The following ANXA9 variants were observed in gnomAD, a reference collection of about 807,000 sequenced individuals.
ANXA9 encodes annexin 31.
In ANXA9, 47 loss-of-function variants were observed where a neutral mutation model predicts 51.8. That is an observed-to-expected ratio of 0.91 (90% confidence interval 0.72 to 1.16). The LOEUF (loss-of-function observed/expected upper bound fraction) is 1.16. Ranked by LOEUF, ANXA9 falls within the 50% of genes most tolerant of loss-of-function variation. The pLI is 0.00. For missense variants in ANXA9, 361 were observed against 424.7 expected, an observed-to-expected ratio of 0.85 and a Z score of 1.32; for synonymous variants, 154 against 168.7, an observed-to-expected ratio of 0.91 and a Z score of 0.68.
intron 5 of ANXA9, 85 bp from the exon 6 acceptor site, chr1:150,984,196 C>A: frequency 1.9e-6 from 3 of 1,539,378 alleles, no homozygotes; most frequent in Non-Finnish European, 2.7e-6. Flanking sequence ...AGATGAAAAC[C>A]AGCCAAATCT....
intron 9 of ANXA9, 102 bp from the exon 10 acceptor site, chr1:150,987,770 C>A: frequency 1.1e-6 from 1 of 931,316 alleles, no homozygotes; most frequent in South Asian, 1.6e-5. Context: ...AATCCCATTT[C>A]CATCATGATG....
chr1:150,983,062 C>A, intron 2 of ANXA9, 28 bp from the exon 3 acceptor site: 2 of 1,586,084 alleles, frequency 1.3e-6, no homozygotes, highest in Non-Finnish European at 8.6e-7. Flanking sequence ...GGAAATTCAG[C>A]TCTGTGGGCT....
intron 12 of ANXA9, among the ~76,000 whole-genome samples, chr1:150,990,964 A>G (rs1243425247): frequency 8.6e-5 from 13 of 151,956 alleles, no homozygotes; most frequent in East Asian, 1.9e-4. Flanking sequence ...CTAACAAGGT[A>G]AAACCCTGTC....
At position 150,990,364 on chromosome 1, in the gene ANXA9, GA is replaced by G. The variant is rs61093975; in HGVS notation, c.852+2033del. Among the ~76,000 whole-genome samples, 138 of 149,268 alleles carry G rather than the reference GA, an allele frequency of 9.2e-4. 1 individual carries two copies. Among genetic ancestry groups the G allele is most frequent in the African/African-American group, 3.3e-3 (134 of 40,188 alleles). On this transcript the variant is annotated intron_variant, in intron 12 of 13. Transcript: ENST00000368947. ...GAAAATAACATAGGCCCATTTTTCT[GA>G]AAAAAAAAATTTTTTTTTTGAGATA...
At chr1:150,980,441 T>C (rs12067685), upstream of ANXA9, among the ~76,000 whole-genome samples, 46,707 of 151,870 alleles carry the variant, frequency 0.31, 8,431 homozygotes, top group South Asian at 0.5. Context: ...TGGGTCATAC[T>C]TGTACCAACA....
At chr1:150,993,567 C>CTT (rs1671756875) in intron 12 of ANXA9, among the ~76,000 whole-genome samples, 1 of 151,738 alleles carries the variant, frequency 6.6e-6, no homozygotes, top group Non-Finnish European at 1.5e-5. Context: ...GCCTTGGCCT[C>CTT]CCAAAATTCT....
At chr1:150,990,432 T>C (rs1346242047) in intron 12 of ANXA9, among the ~76,000 whole-genome samples, 1 of 152,046 alleles carries the variant, frequency 6.6e-6, no homozygotes, top group African/African-American at 2.4e-5. Context: ...AGTGGCGTGA[T>C]CTCAGCTCAC....
rs1671618374 is a variant in ANXA9, at chr1:150,988,324, C to T, written c.835C>T (p.Leu279Phe). The change falls in exon 12 of 14, where the codon CTT becomes TTT. Residue 279 changes from leucine (L) to phenylalanine (F), a missense_variant. Physicochemically the swap from Leu to Phe is conservative, Grantham distance 22. Transcript: ENST00000368947. ...CACACCGCTGTACTTTGCTGACAAA[C>T]TTCATCAAGCCCTCCAGGTGAGAGG... The part of the protein sequence containing the change: ...KNTPLYFADK[L>F]HQALQETEPN... 3.1e-6 allele frequency: 5 copies of T among 1,614,016 alleles called. No homozygotes were observed. The South Asian group carries it at 3.3e-5, about 11-fold the overall frequency.
chr1:150,990,787 G>A (rs1571694426), intron 12 of ANXA9, among the ~76,000 whole-genome samples: 1 of 152,208 alleles, frequency 6.6e-6, no homozygotes, highest in Non-Finnish European at 1.5e-5. Context: ...CAGAGGTTGC[G>A]GTCAGCCGAG....
chr1:150,979,102 C>G (rs148324611), upstream of ANXA9, among the ~76,000 whole-genome samples: 211 of 151,538 alleles, frequency 1.4e-3, 1 homozygote, highest in African/African-American at 4.5e-3. Flanking sequence ...TGAAGTTGAA[C>G]AAAACAAAAC....
chr1:150,995,064 C>G (rs1671812578), intron 13 of ANXA9, among the ~76,000 whole-genome samples, 196 bp from the exon 14 acceptor site: 1 of 152,248 alleles, frequency 6.6e-6, no homozygotes, highest in Non-Finnish European at 1.5e-5. Context: ...TGCACTCCCA[C>G]CTGGGTGACA....
At chr1:150,987,376 TCTCTCACA>T (rs778181989) in intron 9 of ANXA9, among the ~76,000 whole-genome samples, 733 of 61,500 alleles carry the variant, frequency 0.012, 11 homozygotes, top group African/African-American at 0.03. Flanking sequence ...TCTCTCTCTC[TCTCTCACA>T]CACACACACA....
In ANXA9 at chr1:150,983,186, G is replaced by A; in HGVS notation, c.75+6G>A. On this transcript the variant is annotated splice_donor_region_variant and intron_variant, in intron 3 of 13. Coordinates refer to ENST00000368947, the MANE Select transcript of ANXA9 (RefSeq NM_003568.3). ...ACCTGGGCCTGGCCAGCAAGGTAGG[G>A]GCTGTTGGGATTTTAGAGATCACTT... is the stretch of plus-strand genomic sequence containing the variant. The A allele has an allele frequency of 6.2e-7, 1 of 1,613,596 alleles. No individual in the cohort carries two copies. The highest frequency in any genetic ancestry group is 1.7e-5 in the Admixed American group (1 of 59,892).
upstream of ANXA9, among the ~76,000 whole-genome samples, chr1:150,978,000 G>A (rs1671364222): frequency 6.6e-6 from 1 of 152,016 alleles, no homozygotes; most frequent in Non-Finnish European, 1.5e-5. Context: ...GCTAGGCATG[G>A]TGGCACATGC....
At chr1:150,985,102 C>T (rs2102791036) in intron 7 of ANXA9, among the ~76,000 whole-genome samples, 2 of 151,988 alleles carry the variant, frequency 1.3e-5, no homozygotes, top group East Asian at 3.9e-4. Context: ...GAAGTTGAGG[C>T]TGCAGTGAGC....
chr1:150,982,986 G>A (rs1014777884), intron 2 of ANXA9, 104 bp from the exon 3 acceptor site: 29 of 765,326 alleles, frequency 3.8e-5, no homozygotes, highest in Non-Finnish European at 5.9e-5. Flanking sequence ...AGCAAGGAAA[G>A]GAACAGGTGA....
chr1:150,990,216 T>C (rs1671662403), intron 12 of ANXA9, among the ~76,000 whole-genome samples: 1 of 131,080 alleles, frequency 7.6e-6, no homozygotes, highest in African/African-American at 3.4e-5. Flanking sequence ...GAGGATGTGG[T>C]GGGAGGATTG....
At chr1:150,977,752 G>A (rs888911674), upstream of ANXA9, among the ~76,000 whole-genome samples, 11 of 152,218 alleles carry the variant, frequency 7.2e-5, no homozygotes, top group African/African-American at 2.4e-4. Context: ...CAGGAGTATC[G>A]GGGAGGAAAC....
Position 150,984,479 on chromosome 1 carries a change from C to T in ANXA9, c.381+85C>T, listed in dbSNP as rs945841046. ...TTTTGCAAGACGAGAGTCCCCCTCT[C>T]GTCGTCCCATATTGTTTCTTAGAAG... On this transcript the variant is annotated intron_variant, in intron 6 of 13. Transcript: ENST00000368947. The T allele has an allele frequency of 2.5e-5, 38 of 1,533,874 alleles. 1 individual carries two copies. The highest frequency in any genetic ancestry group is 4.5e-5 in the South Asian group (4 of 89,188).
Sources: gnomAD v4.1 joint callset for allele counts (sites outside exome capture counted in the v4.1 genomes callset) on GRCh38, gnomAD v4.1.1 for gene constraint, MANE v1.5 for transcripts, NCBI Gene and HGNC (gene_info 2026-07-23, HGNC 2026-07-21) for gene names.